Variants in ZNF385D observed in about 807,000 individuals in gnomAD.
ZNF385D encodes the protein zinc finger protein 385D, also known as zinc finger protein 659.
ZNF385D carries 15 observed loss-of-function variants against 35.8 expected under a neutral mutation model. The observed-to-expected ratio is 0.42, with a 90% CI of 0.28 to 0.64. The LOEUF (loss-of-function observed/expected upper bound fraction) is 0.64, where lower values mean the gene tolerates loss of function less well. Ranked by LOEUF, ZNF385D falls within the 30% of genes least tolerant of loss-of-function variation. The pLI, the probability that ZNF385D is intolerant of heterozygous loss-of-function variation, is 0.23. For missense variants in ZNF385D, 474 were observed against 494.6 expected, an observed-to-expected ratio of 0.96 and a Z score of 0.39; for synonymous variants, 212 against 186.8, an observed-to-expected ratio of 1.13 and a Z score of -1.10.
chr3:21,999,469 A>C (rs1695700186), intron 3 of ZNF385D, among the ~76,000 whole-genome samples: 1 of 152,236 alleles, frequency 6.6e-6, no homozygotes, highest in East Asian at 1.9e-4. Flanking sequence ...GAAAAAAATC[A>C]GCCAACACCA....
intron 3 of ZNF385D, among the ~76,000 whole-genome samples, chr3:22,146,487 A>G (rs1324777956): frequency 6.6e-6 from 1 of 152,194 alleles, no homozygotes; most frequent in Non-Finnish European, 1.5e-5. Context: ...CATTTGAAGT[A>G]ATATCTACTT....
At chr3:21,647,112 T>C (rs1178849336) in intron 2 of ZNF385D, among the ~76,000 whole-genome samples, 1 of 152,214 alleles carries the variant, frequency 6.6e-6, no homozygotes, top group East Asian at 1.9e-4. Flanking sequence ...TCAGAGTAAC[T>C]CATTATGCAA....
chr3:21,796,562 T>TA (rs1364084947), intron 3 of ZNF385D, among the ~76,000 whole-genome samples: 3 of 151,186 alleles, frequency 2.0e-5, no homozygotes, highest in Admixed American at 6.6e-5. Flanking sequence ...AATTTTTTTT[T>TA]AAAAAGGAAT....
intron 2 of ZNF385D, among the ~76,000 whole-genome samples, chr3:22,258,787 T>G (rs1700452610): frequency 6.6e-6 from 1 of 151,758 alleles, no homozygotes; most frequent in Non-Finnish European, 1.5e-5. Flanking sequence ...AAATAACATG[T>G]TTTATAAAAA....
At chr3:22,206,299 AAG>A (rs1220079606) in intron 2 of ZNF385D, among the ~76,000 whole-genome samples, 1 of 152,010 alleles carries the variant, frequency 6.6e-6, no homozygotes, top group African/African-American at 2.4e-5. Flanking sequence ...TCTAGAGCTA[AAG>A]AGAGAGATAG....
chr3:21,846,886 A>G (rs892670445), intron 3 of ZNF385D, among the ~76,000 whole-genome samples: 4 of 152,036 alleles, frequency 2.6e-5, no homozygotes, highest in African/African-American at 9.7e-5. Context: ...TCCTTGACAA[A>G]GCTTAATAAA....
intron 3 of ZNF385D, among the ~76,000 whole-genome samples, chr3:22,109,794 A>G (rs932903028): frequency 1.3e-5 from 2 of 152,172 alleles, no homozygotes; most frequent in Admixed American, 6.5e-5. Flanking sequence ...TAATTAAACT[A>G]AAGAGCTTCT....
chr3:21,708,299 T>G (rs1037250793), intron 1 of ZNF385D, among the ~76,000 whole-genome samples: 2 of 152,254 alleles, frequency 1.3e-5, no homozygotes, highest in Non-Finnish European at 2.9e-5. Flanking sequence ...CTGCAAGCAG[T>G]ATTTCATGTA....
chr3:21,902,670 TA>T (rs1460520510), intron 3 of ZNF385D, among the ~76,000 whole-genome samples: 1 of 152,166 alleles, frequency 6.6e-6, no homozygotes, highest in Non-Finnish European at 1.5e-5. Context: ...TATTTATTTC[TA>T]AAACTTTATC....
chr3:21,641,205 A>T (rs985841281), intron 2 of ZNF385D, among the ~76,000 whole-genome samples: 2 of 152,080 alleles, frequency 1.3e-5, no homozygotes, highest in Non-Finnish European at 2.9e-5. Flanking sequence ...CACTTTCATC[A>T]ACACTGGAAA....
At chr3:21,593,450 G>A (rs1469114514) in intron 2 of ZNF385D, among the ~76,000 whole-genome samples, 3 of 152,050 alleles carry the variant, frequency 2.0e-5, no homozygotes, top group Non-Finnish European at 4.4e-5. Flanking sequence ...TCTATCCTTT[G>A]TGGACAAAGT....
intron 3 of ZNF385D, among the ~76,000 whole-genome samples, chr3:22,016,116 T>G (rs1696869509): frequency 6.6e-6 from 1 of 152,082 alleles, no homozygotes; most frequent in African/African-American, 2.4e-5. Flanking sequence ...GATTTTCAAT[T>G]TAGTCTATAA....
chr3:22,098,116 A>G (rs1223834271), intron 3 of ZNF385D, among the ~76,000 whole-genome samples: 1 of 152,072 alleles, frequency 6.6e-6, no homozygotes, highest in Admixed American at 6.6e-5. Context: ...TCCACAAAAC[A>G]TGACTGAAAT....
intron 2 of ZNF385D, among the ~76,000 whole-genome samples, chr3:21,568,358 T>C (rs575396958): frequency 9.2e-5 from 14 of 152,320 alleles, no homozygotes; most frequent in African/African-American, 2.9e-4. Flanking sequence ...CACAGATAGT[T>C]TGATCATTTT....
chr3:22,019,554 A>T (rs1361744857), intron 3 of ZNF385D, among the ~76,000 whole-genome samples: 1 of 151,990 alleles, frequency 6.6e-6, no homozygotes, highest in African/African-American at 2.4e-5. Flanking sequence ...ATATACACAA[A>T]TGATGATCAG....
intron 3 of ZNF385D, among the ~76,000 whole-genome samples, chr3:21,867,289 G>T (rs1262056272): frequency 1.3e-5 from 2 of 152,072 alleles, no homozygotes; most frequent in Non-Finnish European, 2.9e-5. Flanking sequence ...TGACACTGTT[G>T]CATTGGAAAT....
intron 3 of ZNF385D, among the ~76,000 whole-genome samples, chr3:21,826,038 AC>A (rs1302888459): frequency 6.0e-5 from 9 of 150,978 alleles, no homozygotes; most frequent in African/African-American, 2.0e-4. Flanking sequence ...CTTCCCCTCA[AC>A]CCCCCACCAG....
At chr3:22,331,383 ACT>A (rs1255675037) in intron 2 of ZNF385D, among the ~76,000 whole-genome samples, 2 of 152,154 alleles carry the variant, frequency 1.3e-5, no homozygotes, top group Non-Finnish European at 2.9e-5. Flanking sequence ...AATTATAGAA[ACT>A]CTAACAATGG....
chr3:21,689,683 T>C (rs1196767165), intron 1 of ZNF385D, among the ~76,000 whole-genome samples: 2 of 152,104 alleles, frequency 1.3e-5, no homozygotes, highest in Non-Finnish European at 2.9e-5. Context: ...TATAAGAAGC[T>C]CTAAAGCAGT....
Sources: gnomAD v4.1 joint callset for allele counts (sites outside exome capture counted in the v4.1 genomes callset) on GRCh38, gnomAD v4.1.1 for gene constraint, MANE v1.5 for transcripts, NCBI Gene and HGNC (gene_info 2026-07-23, HGNC 2026-07-21) for gene names.